C1D: variants seen among roughly 807,000 people sequenced by gnomAD.
The protein encoded by C1D is C1D nuclear receptor corepressor.
Under a neutral mutation model 17.5 loss-of-function variants are expected in C1D, and 10 were observed. The observed-to-expected ratio is 0.57, with a 90% CI of 0.35 to 0.97. The LOEUF is 0.97. C1D is among the 50% of genes least tolerant of loss of function. C1D has a pLI of 0.01. For synonymous variants in C1D, 49 were observed against 54.0 expected (o/e 0.91, Z 0.40); for missense variants, 136 against 160.1 (o/e 0.85, Z 0.81).
At chr2:68,056,202 A>G (rs188267127) in intron 1 of C1D, among the ~76,000 whole-genome samples, 63 of 152,308 alleles carry the variant, frequency 4.1e-4, no homozygotes, top group African/African-American at 1.4e-3. Flanking sequence ...AGCTCAACGC[A>G]ACCTCTGCCT....
chr2:68,047,323 GA>G lies in C1D; in HGVS notation c.-9-5del, dbSNP rs1297637135. ...CTTCACCTGCCATTATGGCTGACTG[GA>G]AAAAATTAAATTCTTTGAATTCATA... On this transcript the variant is annotated splice_region_variant and splice_polypyrimidine_tract_variant and intron_variant, in intron 1 of 4. Transcript: ENST00000410067. The G allele has an allele frequency of 5.7e-6, 9 of 1,586,638 alleles. No homozygotes were observed. The highest frequency in any genetic ancestry group is 1.9e-5 in the Admixed American group (1 of 53,904).
At chr2:68,045,687 A>T (rs1339163418) in intron 4 of C1D, among the ~76,000 whole-genome samples, 4 of 134,940 alleles carry the variant, frequency 3.0e-5, no homozygotes, top group African/African-American at 5.0e-5. Context: ...ACAGAAGTTT[A>T]AAAAAAAAAG....
intron 1 of C1D, among the ~76,000 whole-genome samples, 173 bp from the exon 2 acceptor site, chr2:68,047,492 C>T (rs1417294238): frequency 6.6e-6 from 1 of 152,126 alleles, no homozygotes; most frequent in East Asian, 1.9e-4. Flanking sequence ...AATTTGTCCC[C>T]TTCTTAAGTT....
intron 1 of C1D, among the ~76,000 whole-genome samples, chr2:68,050,787 T>C (rs1671257742): frequency 6.6e-6 from 1 of 152,208 alleles, no homozygotes; most frequent in African/African-American, 2.4e-5. Flanking sequence ...GAACTTCATA[T>C]TTACATTTCC....
intron 4 of C1D, among the ~76,000 whole-genome samples, chr2:68,043,375 A>T (rs1320585838): frequency 6.6e-6 from 1 of 152,210 alleles, no homozygotes; most frequent in East Asian, 1.9e-4. Context: ...TTTGAAAAAC[A>T]CCATTAACAT....
intron 1 of C1D, chr2:68,053,209 T>C: frequency 6.5e-7 from 1 of 1,549,054 alleles, no homozygotes; most frequent in East Asian, 2.4e-5. Context: ...AAGGTGTGGC[T>C]GAGACTGAGT....
intron 1 of C1D, among the ~76,000 whole-genome samples, chr2:68,055,528 T>C (rs952009799): frequency 6.6e-6 from 1 of 150,906 alleles, no homozygotes; most frequent in Non-Finnish European, 1.5e-5. Flanking sequence ...ATTTAAGAGA[T>C]GTAACAACCA....
At chr2:68,055,905 T>C (rs746421237) in intron 1 of C1D, among the ~76,000 whole-genome samples, 9 of 152,218 alleles carry the variant, frequency 5.9e-5, no homozygotes, top group Non-Finnish European at 7.3e-5. Flanking sequence ...CGTTCATATA[T>C]AGGAGAATAA....
intron 1 of C1D, among the ~76,000 whole-genome samples, chr2:68,061,950 CA>C (rs1221639480): frequency 6.6e-6 from 1 of 152,338 alleles, no homozygotes; most frequent in East Asian, 1.9e-4. Flanking sequence ...TTCAACAAAA[CA>C]ATGAGTTCTA....
chr2:68,055,495 G>C (rs955828109), intron 1 of C1D, among the ~76,000 whole-genome samples: 1 of 152,104 alleles, frequency 6.6e-6, no homozygotes, highest in Non-Finnish European at 1.5e-5. Flanking sequence ...AAAAGTGGGG[G>C]AAGAAAGACA....
Position 68,045,998 on chromosome 2 carries a change from T to G in C1D, c.251A>C (p.Lys84Thr), listed in dbSNP as rs1252473501. 1.3e-6 allele frequency: 2 copies of G among 1,588,188 alleles called. No individual in the cohort carries two copies. The highest frequency in any genetic ancestry group is 1.7e-6 in the Non-Finnish European group (2 of 1,166,836). Residue 84 changes from lysine (K) to threonine (T), a missense_variant, in exon 4 of 5, where the codon AAA becomes ACA. Physicochemically the swap from Lys to Thr is moderately conservative, Grantham distance 78. Transcript: ENST00000410067. ...QGVNPKEHPV[K>T]QELERIRVYM... ...AAATTAAAATCTTACCAATTCCTGT[T>G]TTACTGGATGTTCCTTAGGATTAAC...
intron 1 of C1D, among the ~76,000 whole-genome samples, chr2:68,048,143 T>C (rs1432920191): frequency 6.6e-6 from 1 of 152,126 alleles, no homozygotes; most frequent in Non-Finnish European, 1.5e-5. Context: ...ATAAACAATA[T>C]GGTTTTCATT....
rs1460373477 is a variant in C1D at position 68,042,950 on chromosome 2, AG to A, written c.364del (p.Leu122SerfsTer59). On this transcript the variant is annotated frameshift_variant, in exon 5 of 5. Coordinates refer to ENST00000410067, the MANE Select transcript of C1D (RefSeq NM_173177.3). LOFTEE classifies it high-confidence loss of function. ...TGCATTTTTCGATTTTGGTTCCCAG[AG>A]GGCATTTTTTACAAATCTTGAAGCT... is the stretch of plus-strand genomic sequence containing the variant. The part of the protein sequence containing the change: ...GAASRFVKNA[L>X]WEPKSKNASK... The A allele has an allele frequency of 6.2e-7, 1 of 1,608,228 alleles. No homozygotes were observed. Among genetic ancestry groups the A allele is most frequent in the African/African-American group, 1.4e-5 (1 of 73,934 alleles).
intron 1 of C1D, among the ~76,000 whole-genome samples, chr2:68,056,491 C>G (rs1254884982): frequency 2.0e-5 from 3 of 151,906 alleles, no homozygotes; most frequent in African/African-American, 7.3e-5. Flanking sequence ...AAACAAACAC[C>G]CAAGACTAAT....
chr2:68,062,088 C>G (rs908017965), intron 1 of C1D, among the ~76,000 whole-genome samples: 1 of 152,112 alleles, frequency 6.6e-6, no homozygotes, highest in Admixed American at 6.5e-5. Flanking sequence ...AGGATAAGTG[C>G]CTGAAGGGAT....
chr2:68,050,528 T>C (rs954259940), intron 1 of C1D, among the ~76,000 whole-genome samples: 2 of 152,208 alleles, frequency 1.3e-5, no homozygotes, highest in Non-Finnish European at 2.9e-5. Flanking sequence ...CAATTCTCAG[T>C]TCTCCTTGAG....
chr2:68,058,951 G>A (rs1459742571), intron 1 of C1D, among the ~76,000 whole-genome samples: 1 of 152,018 alleles, frequency 6.6e-6, no homozygotes, highest in African/African-American at 2.4e-5. Flanking sequence ...AGGGAATTGA[G>A]GTCCTGTCAT....
chr2:68,059,526 TG>T (rs1275453296), intron 1 of C1D, among the ~76,000 whole-genome samples: 2 of 152,212 alleles, frequency 1.3e-5, no homozygotes, highest in African/African-American at 2.4e-5. Context: ...TGAATATAAC[TG>T]TAATACAGTT....
chr2:68,052,678 T>C (rs1374166778), intron 1 of C1D, among the ~76,000 whole-genome samples: 1 of 152,146 alleles, frequency 6.6e-6, no homozygotes, highest in Non-Finnish European at 1.5e-5. Flanking sequence ...ACTGAGCCAC[T>C]TGCCTTTTCC....
Sources: allele counts gnomAD v4.1 joint callset (sites outside exome capture counted in the v4.1 genomes callset), GRCh38; gene constraint gnomAD v4.1.1; transcripts MANE v1.5; gene names NCBI Gene and HGNC (gene_info 2026-07-23, HGNC 2026-07-21).